Variants in PARD3 observed in about 807,000 individuals in gnomAD.
The protein encoded by PARD3 is partitioning defective 3 homolog.
A neutral mutation model predicts 155.4 loss-of-function variants in PARD3; 75 were observed. That is an observed-to-expected ratio of 0.48 (90% CI 0.40 to 0.58). The LOEUF (loss-of-function observed/expected upper bound fraction) is 0.58. Ranked by LOEUF, PARD3 falls within the 20% of genes least tolerant of loss-of-function variation. The pLI is 0.00. For missense variants in PARD3, 1,642 were observed against 1,721.7 expected (o/e 0.95, Z 0.82); for synonymous variants, 576 against 610.5 (o/e 0.94, Z 0.83).
At chr10:34,375,064 A>G in intron 10 of PARD3, 62 bp from the exon 11 acceptor site, 1 of 894,900 alleles carries the variant, frequency 1.1e-6, no homozygotes, top group Non-Finnish European at 1.7e-6. Flanking sequence ...ACACACACAC[A>G]CACACACACA....
intron 2 of PARD3, among the ~76,000 whole-genome samples, chr10:34,684,649 C>G (rs1299063993): frequency 6.6e-6 from 1 of 152,104 alleles, no homozygotes; most frequent in Non-Finnish European, 1.5e-5. Flanking sequence ...TGGCCTCTGC[C>G]TTCCATGCTG....
chr10:34,585,057 T>C (rs2087879501), intron 2 of PARD3, among the ~76,000 whole-genome samples: 1 of 152,174 alleles, frequency 6.6e-6, no homozygotes, highest in Non-Finnish European at 1.5e-5. Context: ...CATCTGTAGA[T>C]TTAATATATT....
chr10:34,246,678 G>A (rs921188038), intron 22 of PARD3, among the ~76,000 whole-genome samples: 3 of 149,874 alleles, frequency 2.0e-5, no homozygotes, highest in African/African-American at 7.6e-5. Flanking sequence ...TTTGTGAAAA[G>A]AATAAATACC....
intron 2 of PARD3, among the ~76,000 whole-genome samples, chr10:34,658,095 G>A (rs1384863501): frequency 1.3e-5 from 2 of 150,664 alleles, no homozygotes; most frequent in Non-Finnish European, 2.9e-5. Flanking sequence ...CCAGTGAGCC[G>A]AGATTGCGCC....
At chr10:34,315,199 T>C (rs1216164351) in intron 20 of PARD3, among the ~76,000 whole-genome samples, 2 of 152,304 alleles carry the variant, frequency 1.3e-5, no homozygotes, top group African/African-American at 2.4e-5. Flanking sequence ...TAATGCTTGA[T>C]AGGACTCCTA....
At chr10:34,207,959 A>G (rs563345145) in intron 22 of PARD3, among the ~76,000 whole-genome samples, 1 of 152,352 alleles carries the variant, frequency 6.6e-6, no homozygotes, top group South Asian at 2.1e-4. Flanking sequence ...AAGAGAAAAA[A>G]GTAATGAGCT....
At chr10:34,802,080 A>T (rs1414044367) in intron 1 of PARD3, among the ~76,000 whole-genome samples, 1 of 152,334 alleles carries the variant, frequency 6.6e-6, no homozygotes, top group African/African-American at 2.4e-5. Flanking sequence ...AAATTTATGT[A>T]ATTTCCTTTG....
At chr10:34,783,229 T>C (rs559667188) in intron 1 of PARD3, among the ~76,000 whole-genome samples, 1 of 152,320 alleles carries the variant, frequency 6.6e-6, no homozygotes, top group South Asian at 2.1e-4. Context: ...AATACATTTA[T>C]CTGAATTTTT....
intron 5 of PARD3, among the ~76,000 whole-genome samples, chr10:34,429,949 C>T (rs143835552): frequency 2.0e-5 from 3 of 152,252 alleles, no homozygotes; most frequent in Admixed American, 6.5e-5. Context: ...AGGCTGATCT[C>T]GAACTCCTAG....
At chr10:34,252,121 G>C (rs1451776470) in intron 22 of PARD3, among the ~76,000 whole-genome samples, 1 of 152,148 alleles carries the variant, frequency 6.6e-6, no homozygotes, top group Non-Finnish European at 1.5e-5. Context: ...TGCTGGGGAG[G>C]GGGAGGGGAG....
intron 22 of PARD3, among the ~76,000 whole-genome samples, chr10:34,204,588 C>T (rs1951378316): frequency 6.6e-6 from 1 of 152,176 alleles, no homozygotes; most frequent in Non-Finnish European, 1.5e-5. Flanking sequence ...AGATGTTCTT[C>T]ACAGACAAGG....
chr10:34,708,256 G>A (rs1440763244), intron 1 of PARD3, among the ~76,000 whole-genome samples: 1 of 140,572 alleles, frequency 7.1e-6, no homozygotes, highest in Non-Finnish European at 1.6e-5. Flanking sequence ...CAATTGCACT[G>A]ATCTTTAAAG....
At chr10:34,222,359 C>T (rs1952347097) in intron 22 of PARD3, among the ~76,000 whole-genome samples, 1 of 152,186 alleles carries the variant, frequency 6.6e-6, no homozygotes, top group Non-Finnish European at 1.5e-5. Context: ...AAGGCCTGCC[C>T]AGGAAGGATT....
chr10:34,707,973 A>C (rs1044427832), intron 1 of PARD3, among the ~76,000 whole-genome samples: 3 of 152,250 alleles, frequency 2.0e-5, no homozygotes, highest in Non-Finnish European at 1.5e-5. Flanking sequence ...TTTGGGAATT[A>C]CTTATGACTG....
chr10:34,700,219 A>C (rs546947892), intron 1 of PARD3, among the ~76,000 whole-genome samples: 2 of 152,352 alleles, frequency 1.3e-5, no homozygotes, highest in African/African-American at 4.8e-5. Context: ...AGACAAAACC[A>C]CATGAAGAAT....
chr10:34,403,064 T>C (rs186168422), intron 5 of PARD3, among the ~76,000 whole-genome samples: 4 of 152,316 alleles, frequency 2.6e-5, no homozygotes, highest in Admixed American at 2.6e-4. Flanking sequence ...GGCATAGTCT[T>C]TGGCACCTAC....
intron 2 of PARD3, among the ~76,000 whole-genome samples, chr10:34,547,726 A>G (rs747328328): frequency 1.3e-5 from 2 of 152,216 alleles, no homozygotes; most frequent in Non-Finnish European, 2.9e-5. Context: ...TTAAAATGCT[A>G]TTGCTTAATG....
At chr10:34,683,916 T>TCC (rs2093895236) in intron 2 of PARD3, among the ~76,000 whole-genome samples, 4 of 152,120 alleles carry the variant, frequency 2.6e-5, no homozygotes, top group African/African-American at 9.7e-5. Flanking sequence ...GGAAGTCATC[T>TCC]TTCTGAATTA....
chr10:34,537,450 A>G (rs1477225390), intron 2 of PARD3, among the ~76,000 whole-genome samples: 1 of 152,238 alleles, frequency 6.6e-6, no homozygotes, highest in East Asian at 1.9e-4. Flanking sequence ...GCAGTACTAC[A>G]AAAGGAGCAA....
Sources: allele counts gnomAD v4.1 joint callset (sites outside exome capture counted in the v4.1 genomes callset), GRCh38; gene constraint gnomAD v4.1.1; transcripts MANE v1.5; gene names NCBI Gene and HGNC (gene_info 2026-07-23, HGNC 2026-07-21).